SELP: variants seen among roughly 807,000 people sequenced by gnomAD.
SELP encodes the protein P-selectin.
Under a neutral mutation model 104.1 loss-of-function variants are expected in SELP, and 92 were observed. The observed-to-expected ratio is 0.88, with a 90% CI of 0.75 to 1.05. SELP has a LOEUF of 1.05. Among genes scored for constraint, SELP ranks in the 50% least tolerant of loss-of-function variants. SELP has a pLI of 0.00. For missense variants in SELP, 1,022 were observed against 1,017.3 expected, an observed-to-expected ratio of 1.00 and a Z score of -0.06; for synonymous variants, 397 against 364.5, an observed-to-expected ratio of 1.09 and a Z score of -1.01.
At position 169,596,140 on chromosome 1, in the gene SELP, G is replaced by C. The variant is rs776966972; in HGVS notation, c.1892-6C>G. 2 of 1,612,862 alleles carry C rather than the reference G, an allele frequency of 1.2e-6. No individual in the cohort carries two copies. The highest frequency in any genetic ancestry group is 4.5e-5 in the East Asian group (2 of 44,876). ...AGTAGGAAGTGATGCTATGCCTGTT[G>C]TGAGAAAATGTTTCCATTCAGAGAC... On this transcript the variant is annotated splice_region_variant and splice_polypyrimidine_tract_variant and intron_variant, in intron 11 of 16. Coordinates refer to ENST00000263686, the MANE Select transcript of SELP (RefSeq NM_003005.4).
intron 1 of SELP, among the ~76,000 whole-genome samples, chr1:169,624,861 G>T (rs1431633395): frequency 6.6e-6 from 1 of 152,176 alleles, no homozygotes; most frequent in Non-Finnish European, 1.5e-5. Context: ...GGTACCAGAG[G>T]CTAGTAGGTG....
chr1:169,621,789 AT>A (rs1440234211), intron 1 of SELP, among the ~76,000 whole-genome samples: 1 of 152,136 alleles, frequency 6.6e-6, no homozygotes, highest in East Asian at 1.9e-4. Context: ...TAACGTTATG[AT>A]TTACAGCTGT....
intron 14 of SELP, 128 bp downstream of exon 14, chr1:169,593,477 T>C: frequency 1.4e-6 from 1 of 705,010 alleles, no homozygotes. Context: ...TTATTTTCTT[T>C]TAATGCAAAT....
intron 7 of SELP, among the ~76,000 whole-genome samples, chr1:169,610,909 T>C (rs996746065): frequency 2.0e-5 from 3 of 152,174 alleles, no homozygotes; most frequent in Admixed American, 2.0e-4. Context: ...TTCTCTAAAG[T>C]CTCATAGCTA....
At chr1:169,628,722 G>GA (rs1379361984) in intron 1 of SELP, among the ~76,000 whole-genome samples, 1 of 152,200 alleles carries the variant, frequency 6.6e-6, no homozygotes, top group Non-Finnish European at 1.5e-5. Flanking sequence ...TCATACCTTT[G>GA]AAATAGAGGA....
intron 2 of SELP, among the ~76,000 whole-genome samples, chr1:169,617,801 C>T (rs1333927513): frequency 6.6e-6 from 1 of 152,236 alleles, no homozygotes; most frequent in Admixed American, 6.5e-5. Flanking sequence ...GCAAGCTCTA[C>T]CTCTTCACAT....
intron 15 of SELP, among the ~76,000 whole-genome samples, chr1:169,590,450 C>A (rs1661300566): frequency 6.6e-6 from 1 of 152,166 alleles, no homozygotes; most frequent in African/African-American, 2.4e-5. Context: ...CCTGTTATAC[C>A]CTCTAAGTTG....
intron 7 of SELP, 111 bp from the exon 8 acceptor site, chr1:169,609,800 A>G: frequency 2.0e-6 from 2 of 984,490 alleles, no homozygotes; most frequent in Non-Finnish European, 2.9e-6. Flanking sequence ...GTGTGTTCAG[A>G]ACCCTAAAAC....
At chr1:169,590,726 A>G (rs1302519736) in intron 15 of SELP, among the ~76,000 whole-genome samples, 1 of 152,180 alleles carries the variant, frequency 6.6e-6, no homozygotes, top group African/African-American at 2.4e-5. Flanking sequence ...TGCCCACTCA[A>G]TGTCAGTAGA....
chr1:169,620,071 G>A (rs3917694), intron 1 of SELP, among the ~76,000 whole-genome samples: 4,202 of 152,074 alleles, frequency 0.028, 132 homozygotes, highest in African/African-American at 0.076. Context: ...AGACAGGTGT[G>A]GTGGCGGGTG....
At chr1:169,611,774 G>A (rs748239621) in intron 6 of SELP, 97 bp from the exon 7 acceptor site, 4 of 1,216,018 alleles carry the variant, frequency 3.3e-6, no homozygotes, top group Non-Finnish European at 4.7e-6. Context: ...TGCAGGTGGA[G>A]CTAGCAAGAT....
chr1:169,609,818 T>G, intron 7 of SELP, 129 bp from the exon 8 acceptor site: 2 of 850,100 alleles, frequency 2.4e-6, no homozygotes, highest in East Asian at 5.6e-5. Flanking sequence ...AACCTCCATT[T>G]TCCAAAAGAG....
intron 10 of SELP, among the ~76,000 whole-genome samples, 198 bp downstream of exon 10, chr1:169,602,828 T>C (rs1223502509): frequency 6.6e-6 from 1 of 152,218 alleles, no homozygotes. Flanking sequence ...GCCAGGATGT[T>C]CTTGAAACTG....
At position 169,617,085 on chromosome 1, in the gene SELP, G is replaced by A. The variant is rs1662852059; in HGVS notation, c.424C>T (p.Pro142Ser). ...CAGTGCTCATCATTCCACTTGCCAG[G>A]GGCTGACGGACTCTTGATGTATATC... ...VEIYIKSPSAPGKWNDEHCLK... is the reference protein window; with the variant it reads ...VEIYIKSPSASGKWNDEHCLK... Residue 142 changes from proline (P) to serine (S), a missense_variant, in exon 3 of 17, where the codon CCT becomes TCT. By Grantham distance (74) the Pro-to-Ser change is moderately conservative. Coordinates refer to ENST00000263686, the MANE Select transcript of SELP (RefSeq NM_003005.4). The A allele has an allele frequency of 6.2e-7, 1 of 1,613,740 alleles. No individual in the cohort carries two copies. Among genetic ancestry groups the A allele is most frequent in the Non-Finnish European group, 8.5e-7 (1 of 1,179,950 alleles).
intron 1 of SELP, among the ~76,000 whole-genome samples, chr1:169,629,504 G>A (rs3917657): frequency 0.097 from 14,724 of 152,218 alleles, 915 homozygotes; most frequent in East Asian, 0.2. Flanking sequence ...ACAAGATTGA[G>A]TCTTAGGGCA....
At chr1:169,601,423 G>A (rs961035666) in intron 10 of SELP, among the ~76,000 whole-genome samples, 3 of 152,208 alleles carry the variant, frequency 2.0e-5, no homozygotes, top group Non-Finnish European at 2.9e-5. Flanking sequence ...GACTTGGAGA[G>A]AGAGCAATAC....
intron 10 of SELP, among the ~76,000 whole-genome samples, chr1:169,599,857 G>T (rs1040971423): frequency 6.6e-6 from 1 of 152,148 alleles, no homozygotes; most frequent in Non-Finnish European, 1.5e-5. Context: ...CAGAGTTGAG[G>T]TTGGGACTTG....
intron 9 of SELP, among the ~76,000 whole-genome samples, chr1:169,604,361 A>G (rs3917765): frequency 0.26 from 39,144 of 151,050 alleles, 5,652 homozygotes; most frequent in African/African-American, 0.41. Flanking sequence ...GCCCTTTGTC[A>G]GATGAGTAGA....
intron 9 of SELP, 123 bp downstream of exon 9, chr1:169,606,826 G>T (rs775336406): frequency 2.0e-5 from 17 of 858,520 alleles, no homozygotes; most frequent in Non-Finnish European, 3.1e-5. Flanking sequence ...ATGAGTGAGA[G>T]TATTTATGAA....
Sources: allele counts gnomAD v4.1 joint callset (sites outside exome capture counted in the v4.1 genomes callset), GRCh38; gene constraint gnomAD v4.1.1; transcripts MANE v1.5; gene names NCBI Gene and HGNC (gene_info 2026-07-23, HGNC 2026-07-21).